Variants in ERICH1 observed in about 807,000 individuals in gnomAD.
The protein encoded by ERICH1 is glutamate-rich protein 1.
Under a neutral mutation model 39.6 loss-of-function variants are expected in ERICH1, and 56 were observed. That is an observed-to-expected ratio of 1.41 (90% CI 1.14 to 1.77). The LOEUF (loss-of-function observed/expected upper bound fraction) is 1.77. ERICH1 is among the 40% of genes most tolerant of loss of function. ERICH1 has a pLI of 0.00. For missense variants in ERICH1, 826 were observed against 575.4 expected (o/e 1.44, Z -4.45); for synonymous variants, 313 against 223.6 (o/e 1.40, Z -3.57).
intron 2 of ERICH1, among the ~76,000 whole-genome samples, chr8:699,671 A>T (rs1212135711): frequency 6.6e-6 from 1 of 151,750 alleles, no homozygotes; most frequent in Non-Finnish European, 1.5e-5. Context: ...GCACGTACAG[A>T]CCCGCACACG....
chr8:712,554 C>T (rs1259851404), intron 2 of ERICH1, among the ~76,000 whole-genome samples: 3 of 152,116 alleles, frequency 2.0e-5, no homozygotes, highest in Admixed American at 1.3e-4. Context: ...CTCAGCCTCT[C>T]GAGTAGCTGG....
intron 1 of ERICH1, among the ~76,000 whole-genome samples, chr8:720,941 C>T (rs532382470): frequency 1.3e-5 from 2 of 152,290 alleles, no homozygotes; most frequent in South Asian, 2.1e-4. Flanking sequence ...GCACGTCCCG[C>T]ACAATGCTTC....
intron 3 of ERICH1, among the ~76,000 whole-genome samples, chr8:627,414 T>G (rs1797652694): frequency 6.6e-6 from 1 of 152,168 alleles, no homozygotes; most frequent in Non-Finnish European, 1.5e-5. Context: ...TTCAACAAAC[T>G]CTCACTGCCC....
intron 2 of ERICH1, among the ~76,000 whole-genome samples, chr8:699,017 G>C (rs949350613): frequency 6.6e-6 from 1 of 151,772 alleles, no homozygotes; most frequent in African/African-American, 2.4e-5. Flanking sequence ...GTGGCGGGAG[G>C]CTCAGTGGAG....
intron 3 of ERICH1, among the ~76,000 whole-genome samples, chr8:627,576 G>C (rs1269520927): frequency 6.6e-6 from 1 of 152,224 alleles, no homozygotes; most frequent in African/African-American, 2.4e-5. Flanking sequence ...CAGGGGGTAA[G>C]AAGATGGCTC....
chr8:691,848 C>G (rs1294164695), intron 3 of ERICH1, among the ~76,000 whole-genome samples: 1 of 152,084 alleles, frequency 6.6e-6, no homozygotes, highest in Admixed American at 6.6e-5. Context: ...TATTTGAAAA[C>G]TCTAAATTCC....
chr8:672,505 T>G (rs1282073993), intron 4 of ERICH1, among the ~76,000 whole-genome samples: 1 of 152,180 alleles, frequency 6.6e-6, no homozygotes, highest in Non-Finnish European at 1.5e-5. Context: ...ATGCCTTGCT[T>G]AAATCTGGAT....
intron 2 of ERICH1, among the ~76,000 whole-genome samples, chr8:698,719 C>G (rs1172977689): frequency 6.6e-6 from 1 of 152,126 alleles, no homozygotes; most frequent in Non-Finnish European, 1.5e-5. Context: ...CTCAAGCAAT[C>G]CTCCCTCCTT....
intron 2 of ERICH1, among the ~76,000 whole-genome samples, chr8:696,292 CACT>C (rs1345616775): frequency 1.4e-4 from 10 of 70,508 alleles, no homozygotes; most frequent in Admixed American, 2.5e-4. Context: ...TCTCACCCTT[CACT>C]CCTCTCCTTC....
chr8:689,602 A>C (rs1399274381), intron 3 of ERICH1, among the ~76,000 whole-genome samples: 4 of 152,176 alleles, frequency 2.6e-5, no homozygotes, highest in African/African-American at 4.8e-5. Flanking sequence ...TGCCACTGGA[A>C]AACCCAGGGA....
chr8:673,547 C>A lies in ERICH1; in HGVS notation c.805G>T (p.Ala269Ser). 1.9e-6 allele frequency: 3 copies of A among 1,607,564 alleles called. No individual in the cohort carries two copies. The highest frequency in any genetic ancestry group is 2.5e-6 in the Non-Finnish European group (3 of 1,177,774). ...TPAGEEDVKD[A>S]REEDGVDTIE... ...GTGTCCACACCGTCCTCCTCCCTGGCGTCTTTAACGTCTTCCTCCCCGGCC... is the reference window on the plus strand; with the variant it reads ...GTGTCCACACCGTCCTCCTCCCTGGAGTCTTTAACGTCTTCCTCCCCGGCC... The change falls in exon 4 of 6, where the codon GCC becomes TCC. Residue 269 changes from alanine to serine, a missense_variant. Physicochemically the swap from Ala to Ser is moderately conservative, Grantham distance 99 (BLOSUM62 1). Transcript: ENST00000262109.
At chr8:689,270 C>T (rs1808371504) in intron 3 of ERICH1, among the ~76,000 whole-genome samples, 1 of 152,198 alleles carries the variant, frequency 6.6e-6, no homozygotes, top group Non-Finnish European at 1.5e-5. Flanking sequence ...TGCCACCACA[C>T]CTGGCTAATT....
chr8:713,900 G>C (rs1365808764), intron 2 of ERICH1, among the ~76,000 whole-genome samples: 1 of 152,162 alleles, frequency 6.6e-6, no homozygotes, highest in African/African-American at 2.4e-5. Context: ...TGGCTTCATA[G>C]ACTTATGTGT....
chr8:708,002 AAAG>A (rs1813703567), intron 2 of ERICH1, among the ~76,000 whole-genome samples: 1 of 152,224 alleles, frequency 6.6e-6, no homozygotes, highest in South Asian at 2.1e-4. Flanking sequence ...ATATTTCTCT[AAAG>A]AAGATACACA....
chr8:625,518 G>T (rs1691933633), intron 3 of ERICH1, among the ~76,000 whole-genome samples: 1 of 152,052 alleles, frequency 6.6e-6, no homozygotes, highest in South Asian at 2.1e-4. Context: ...GGGGTGTCTT[G>T]GGGGTAATAC....
chr8:676,676 C>T (rs1804899828), intron 3 of ERICH1, among the ~76,000 whole-genome samples: 1 of 152,216 alleles, frequency 6.6e-6, no homozygotes, highest in Non-Finnish European at 1.5e-5. Flanking sequence ...ACACCCAAGC[C>T]CCGCCCAGAC....
chr8:728,396 T>G (rs1226407842), intron 1 of ERICH1, among the ~76,000 whole-genome samples: 1 of 152,110 alleles, frequency 6.6e-6, no homozygotes, highest in African/African-American at 2.4e-5. Flanking sequence ...ATGCAGTCAC[T>G]CCTTCCAGGA....
chr8:695,998 G>A (rs1271716014), intron 2 of ERICH1, among the ~76,000 whole-genome samples: 3 of 19,312 alleles, frequency 1.6e-4, no homozygotes, highest in Admixed American at 5.4e-4. Context: ...CTCCCCATCA[G>A]CCTGCGCCTG....
At chr8:655,244 A>T (rs1800481501) in intron 3 of ERICH1, among the ~76,000 whole-genome samples, 1 of 152,226 alleles carries the variant, frequency 6.6e-6, no homozygotes, top group Non-Finnish European at 1.5e-5. Context: ...CAGGAGACAG[A>T]CGCTGTCCAA....
Sources: gnomAD v4.1 joint callset for allele counts (sites outside exome capture counted in the v4.1 genomes callset) on GRCh38, gnomAD v4.1.1 for gene constraint, MANE v1.5 for transcripts, NCBI Gene and HGNC (gene_info 2026-07-23, HGNC 2026-07-21) for gene names.